The following LRRC7 variants were observed in gnomAD, a reference collection of about 807,000 sequenced individuals.
LRRC7 encodes leucine rich repeat containing 7, also known as leucine-rich repeat-containing protein 7.
LRRC7 carries 23 observed loss-of-function variants against 175.7 expected under a neutral mutation model. The ratio of observed to expected loss-of-function variants is 0.13; its 90% CI spans 0.09 to 0.19. The LOEUF (loss-of-function observed/expected upper bound fraction) is 0.19. Among genes scored for constraint, LRRC7 ranks in the 10% least tolerant of loss-of-function variants. The pLI is 1.00. For missense variants in LRRC7, 1,354 were observed against 1,904.7 expected (o/e 0.71, Z 5.38); for synonymous variants, 685 against 680.9 (o/e 1.01, Z -0.09).
At chr1:69,887,996 T>C (rs12736033) in intron 7 of LRRC7, among the ~76,000 whole-genome samples, 33,412 of 83,950 alleles carry the variant, frequency 0.4, 7,824 homozygotes, top group East Asian at 0.57. Flanking sequence ...CAGCTGCGTG[T>C]TGGGAGAACC....
chr1:70,021,087 T>A lies in LRRC7; in HGVS notation c.1503T>A (p.Phe501Leu). 6.2e-7 allele frequency: 1 copy of A among 1,612,750 alleles called. No homozygotes were observed. Among genetic ancestry groups the A allele is most frequent in the Non-Finnish European group, 8.5e-7 (1 of 1,178,998 alleles). ...RQQRMTVAFEFEDKKEDDENA... is the reference protein window; with the variant it reads ...RQQRMTVAFELEDKKEDDENA... ...AACGCATGACTGTTGCCTTTGAATT[T>A]GAAGACAAAAAAGAAGATGACGAAA... The change falls in exon 16 of 27, where the codon TTT becomes TTA. Residue 501 changes from phenylalanine (F) to leucine (L), a missense_variant. Physicochemically the swap from Phe to Leu is conservative, Grantham distance 22. Transcript: ENST00000651989.
chr1:69,840,107 A>C (rs888872301), intron 7 of LRRC7, among the ~76,000 whole-genome samples: 1 of 152,034 alleles, frequency 6.6e-6, no homozygotes, highest in Non-Finnish European at 1.5e-5. Context: ...TTACACTTTA[A>C]GAAACATTTT....
At chr1:69,627,193 G>A (rs1651727010) in intron 1 of LRRC7, among the ~76,000 whole-genome samples, 1 of 152,174 alleles carries the variant, frequency 6.6e-6, no homozygotes, top group Non-Finnish European at 1.5e-5. Context: ...CCCAGCAACA[G>A]TGTAAAAGTG....
chr1:69,783,332 G>A (rs937334141), intron 3 of LRRC7, among the ~76,000 whole-genome samples: 29 of 152,334 alleles, frequency 1.9e-4, no homozygotes, highest in Admixed American at 3.3e-4. Context: ...CAGCTAGAGT[G>A]AGAGAGGGAT....
chr1:69,857,613 A>T (rs1483800513), intron 7 of LRRC7, among the ~76,000 whole-genome samples: 1 of 152,188 alleles, frequency 6.6e-6, no homozygotes, highest in South Asian at 2.1e-4. Context: ...ATAAAAGAGG[A>T]CACAAACAAA....
intron 8 of LRRC7, among the ~76,000 whole-genome samples, chr1:69,949,062 T>C (rs1159888999): frequency 6.6e-6 from 1 of 152,048 alleles, no homozygotes; most frequent in Non-Finnish European, 1.5e-5. Context: ...GCCCCTGCTG[T>C]TTCAAGTCTG....
intron 2 of LRRC7, among the ~76,000 whole-genome samples, chr1:69,757,217 T>C (rs1557688744): frequency 6.6e-6 from 1 of 151,988 alleles, no homozygotes; most frequent in African/African-American, 2.4e-5. Flanking sequence ...TTTTAGAAGA[T>C]GAGAGAAGAT....
chr1:69,866,275 G>T (rs952054290), intron 7 of LRRC7, among the ~76,000 whole-genome samples: 5 of 152,140 alleles, frequency 3.3e-5, no homozygotes, highest in African/African-American at 1.2e-4. Context: ...CTCCACTAAG[G>T]CTAAGAGCTC....
At chr1:69,734,960 TAA>T (rs1263527395) in intron 2 of LRRC7, among the ~76,000 whole-genome samples, 1 of 151,738 alleles carries the variant, frequency 6.6e-6, no homozygotes, top group Non-Finnish European at 1.5e-5. Flanking sequence ...AAACTGTCTA[TAA>T]AAAACTGTTA....
intron 2 of LRRC7, among the ~76,000 whole-genome samples, chr1:69,701,808 A>G (rs1663390553): frequency 6.6e-6 from 1 of 152,212 alleles, no homozygotes; most frequent in Non-Finnish European, 1.5e-5. Flanking sequence ...TATTTTAGAA[A>G]CAGTTGACTT....
At chr1:69,825,354 A>C (rs1054112562) in intron 4 of LRRC7, among the ~76,000 whole-genome samples, 5 of 152,148 alleles carry the variant, frequency 3.3e-5, no homozygotes, top group African/African-American at 1.2e-4. Flanking sequence ...GGAAGTAAAG[A>C]TTTTATCTTC....
chr1:69,589,566 G>T lies in LRRC7; in HGVS notation c.2+20925G>T, dbSNP rs142701071. On this transcript the variant is annotated intron_variant, in intron 1 of 26. Transcript: ENST00000651989. Reference sequence around the variant, plus strand: ...TTGTAAATCTGAGATGTTCTTAGAGGTTTGTAGACTTCCAGGGTTGTATTT... The same window carrying T: ...TTGTAAATCTGAGATGTTCTTAGAGTTTTGTAGACTTCCAGGGTTGTATTT... Among the ~76,000 whole-genome samples, 506 of 152,222 alleles carry T rather than the reference G, an allele frequency of 3.3e-3. 1 individual carries two copies. The highest frequency in any genetic ancestry group is 0.011 in the African/African-American group (466 of 41,536).
chr1:70,047,145 T>C (rs2102049605), intron 22 of LRRC7, among the ~76,000 whole-genome samples: 1 of 152,274 alleles, frequency 6.6e-6, no homozygotes, highest in Non-Finnish European at 1.5e-5. Flanking sequence ...GACCAATTTT[T>C]AAACAAACAT....
intron 4 of LRRC7, among the ~76,000 whole-genome samples, chr1:69,816,888 G>T (rs1678664901): frequency 6.6e-6 from 1 of 152,030 alleles, no homozygotes; most frequent in South Asian, 2.1e-4. Context: ...TAAGTGATGT[G>T]ATGCCATATT....
At chr1:70,077,460 C>T (rs1307424802) in intron 24 of LRRC7, among the ~76,000 whole-genome samples, 4 of 152,060 alleles carry the variant, frequency 2.6e-5, no homozygotes, top group Non-Finnish European at 5.9e-5. Context: ...TTATGCTTTA[C>T]CAAAGGCATC....
intron 8 of LRRC7, among the ~76,000 whole-genome samples, chr1:69,953,659 A>G (rs1244899688): frequency 6.6e-6 from 1 of 152,056 alleles, no homozygotes; most frequent in Non-Finnish European, 1.5e-5. Context: ...TAATAATTAC[A>G]TAATATATCT....
intron 2 of LRRC7, among the ~76,000 whole-genome samples, chr1:69,704,613 T>C (rs183399381): frequency 8.8e-4 from 134 of 152,132 alleles, no homozygotes; most frequent in African/African-American, 3.1e-3. Flanking sequence ...GGGAACATAC[T>C]AAATTATTAT....
rs1259741606 is a variant in LRRC7, at chr1:70,143,479, G to A, written c.*21592G>A. The A allele has an allele frequency of 6.6e-6, 1 of 152,062 alleles. No homozygotes were observed. Among genetic ancestry groups the A allele is most frequent in the Non-Finnish European group, 1.5e-5 (1 of 68,002 alleles). The allele number at this position is 152,062 out of a possible 1,614,324, so 9.4% of individuals were successfully genotyped here. ...TTACATAGACATATTGTATATTAAT[G>A]CATGCATTTCACTGCATAGTTTATT... On this transcript the variant is annotated 3_prime_UTR_variant, in exon 27 of 27. Transcript: ENST00000651989.
chr1:70,030,027 T>A (rs1312016306), intron 18 of LRRC7, among the ~76,000 whole-genome samples: 2 of 152,146 alleles, frequency 1.3e-5, no homozygotes, highest in Non-Finnish European at 2.9e-5. Flanking sequence ...CTTCTTTCTC[T>A]CCACTTCCTA....
Sources: allele counts gnomAD v4.1 joint callset (sites outside exome capture counted in the v4.1 genomes callset), GRCh38; gene constraint gnomAD v4.1.1; transcripts MANE v1.5; gene names NCBI Gene and HGNC (gene_info 2026-07-23, HGNC 2026-07-21).